The following NRXN1 variants were observed in gnomAD, a reference collection of about 807,000 sequenced individuals.
NRXN1 encodes neurexin-1.
Under a neutral mutation model 150.9 loss-of-function variants are expected in NRXN1, and 39 were observed. That is an observed-to-expected ratio of 0.26 (90% CI 0.20 to 0.34). The LOEUF is 0.34. Ranked by LOEUF, NRXN1 falls within the 10% of genes least tolerant of loss-of-function variation. The pLI is 1.00. For missense variants in NRXN1, 1,815 were observed against 1,949.9 expected (o/e 0.93, Z 1.30); for synonymous variants, 924 against 757.0 (o/e 1.22, Z -3.62).
chr2:50,673,304 A>AT lies in NRXN1; in HGVS notation c.833-49690dup, dbSNP rs1689112052. 2.0e-5 allele frequency among the ~76,000 whole-genome samples: 3 copies of AT among 152,226 alleles called. No homozygotes were observed. In the South Asian group the frequency reaches 6.2e-4, roughly 32 times the overall value. On this transcript the variant is annotated intron_variant, in intron 5 of 22. Transcript: ENST00000401669. ...TAAAAAGACATGTTTAGATCTAATT[A>AT]TTTTTTCTACCAATACTAGCAAAAA...
intron 2 of NRXN1, among the ~76,000 whole-genome samples, chr2:50,953,614 T>C (rs1224398042): frequency 2.0e-5 from 3 of 151,328 alleles, no homozygotes; most frequent in African/African-American, 7.3e-5. Context: ...TGGAGTGCCA[T>C]CGCATGATCT....
rs571622172 is a variant in NRXN1, at chr2:50,315,250, G to A, written c.3365-78280C>T. On this transcript the variant is annotated intron_variant, in intron 17 of 22. Coordinates refer to ENST00000401669, the MANE Select transcript of NRXN1 (RefSeq NM_001330078.2). ...CTAAAACTGCACAGGCAGCAGCTCC[G>A]TTTTTCTCAGAATCAAGCGAAACTG... Among the ~76,000 whole-genome samples the A allele has an allele frequency of 1.3e-4, 20 of 152,024 alleles. No homozygotes were observed. In the South Asian group the frequency reaches 3.7e-3, roughly 28 times the overall value.
intron 16 of NRXN1, among the ~76,000 whole-genome samples, chr2:50,466,945 T>C (rs764805204): frequency 3.3e-5 from 5 of 151,864 alleles, no homozygotes; most frequent in Non-Finnish European, 7.4e-5. Context: ...CTGTTGCAAT[T>C]AAGGCTTCAA....
At chr2:51,031,891 G>T (rs957695488) in intron 1 of NRXN1, 90 bp downstream of exon 1, 1 of 152,070 alleles carries the variant, frequency 6.6e-6, no homozygotes, top group African/African-American at 2.4e-5. Flanking sequence ...ATTTGTGGCA[G>T]ATCCTGGCTC....
chr2:50,348,073 G>C (rs1042486424), intron 17 of NRXN1, among the ~76,000 whole-genome samples: 8 of 152,196 alleles, frequency 5.3e-5, no homozygotes, highest in African/African-American at 1.9e-4. Context: ...AGTGTCTTTA[G>C]AGATCTTAAA....
chr2:50,557,212 A>G (rs779091888), intron 8 of NRXN1, among the ~76,000 whole-genome samples: 1 of 152,174 alleles, frequency 6.6e-6, no homozygotes, highest in African/African-American at 2.4e-5. Flanking sequence ...CAGTGTGAAA[A>G]TATTTGCCAC....
intron 22 of NRXN1, among the ~76,000 whole-genome samples, chr2:49,923,364 C>A (rs921972437): frequency 6.6e-6 from 1 of 152,112 alleles, no homozygotes; most frequent in African/African-American, 2.4e-5. Context: ...TCTATCCTCT[C>A]GCTTGTCTTA....
At chr2:50,306,493 T>TA (rs1469357168) in intron 17 of NRXN1, among the ~76,000 whole-genome samples, 2 of 152,178 alleles carry the variant, frequency 1.3e-5, no homozygotes. Context: ...ATTTTATAGA[T>TA]AAAAGATTAT....
At chr2:50,881,939 G>A (rs979682552) in intron 5 of NRXN1, among the ~76,000 whole-genome samples, 17 of 151,276 alleles carry the variant, frequency 1.1e-4, no homozygotes, top group African/African-American at 3.9e-4. Flanking sequence ...TTCTATAAAC[G>A]CAAAAATAGC....
At chr2:50,671,333 A>G (rs1688814610) in intron 5 of NRXN1, among the ~76,000 whole-genome samples, 1 of 151,584 alleles carries the variant, frequency 6.6e-6, no homozygotes, top group Admixed American at 6.6e-5. Context: ...CTGTTTGGCT[A>G]TTTTCACAGA....
chr2:50,260,272 GA>G (rs1383965264), intron 17 of NRXN1, among the ~76,000 whole-genome samples: 1 of 151,758 alleles, frequency 6.6e-6, no homozygotes, highest in African/African-American at 2.4e-5. Context: ...TCTGCCTATT[GA>G]AAATTTTCAT....
chr2:50,127,966 A>C (rs1183868179), intron 18 of NRXN1, among the ~76,000 whole-genome samples: 3 of 152,154 alleles, frequency 2.0e-5, no homozygotes, highest in Non-Finnish European at 4.4e-5. Flanking sequence ...ACTTTCCTTG[A>C]TTTTACTCCC....
chr2:50,651,472 A>G (rs1024124513), intron 5 of NRXN1, among the ~76,000 whole-genome samples: 40 of 149,616 alleles, frequency 2.7e-4, no homozygotes, highest in South Asian at 1.1e-3. Context: ...AACATAACGT[A>G]ACATGACATG....
chr2:50,508,805 C>G (rs7598402), intron 12 of NRXN1, among the ~76,000 whole-genome samples: 90,120 of 151,980 alleles, frequency 0.59, 29,072 homozygotes, highest in African/African-American at 0.86. Context: ...AATCTCTGTG[C>G]GCCAACTTCT....
intron 2 of NRXN1, among the ~76,000 whole-genome samples, chr2:51,014,471 C>A (rs558026227): frequency 4.6e-5 from 7 of 151,934 alleles, no homozygotes; most frequent in Non-Finnish European, 1.0e-4. Flanking sequence ...GAGAAATTTT[C>A]TGCTCAGGAA....
intron 18 of NRXN1, among the ~76,000 whole-genome samples, chr2:50,157,624 C>T (rs1284299485): frequency 6.6e-6 from 1 of 151,628 alleles, no homozygotes; most frequent in Non-Finnish European, 1.5e-5. Flanking sequence ...CAGATTTGGC[C>T]ATAGGGAAGG....
chr2:51,026,427 T>C (rs1337294859), intron 2 of NRXN1: 3 of 1,605,428 alleles, frequency 1.9e-6, no homozygotes, highest in African/African-American at 2.7e-5. Context: ...GTCATTGTCA[T>C]GTAACAGCAC....
intron 5 of NRXN1, among the ~76,000 whole-genome samples, chr2:50,812,936 T>C (rs1325743439): frequency 6.6e-6 from 1 of 152,048 alleles, no homozygotes; most frequent in Non-Finnish European, 1.5e-5. Context: ...CAATAACATA[T>C]AGTGGTTTTG....
intron 21 of NRXN1, among the ~76,000 whole-genome samples, chr2:49,995,576 T>G (rs1386060856): frequency 3.3e-5 from 5 of 151,204 alleles, no homozygotes; most frequent in Non-Finnish European, 7.4e-5. Flanking sequence ...GGTCAGGAGA[T>G]CGACACCATC....
Sources: gnomAD v4.1 joint callset for allele counts (sites outside exome capture counted in the v4.1 genomes callset) on GRCh38, gnomAD v4.1.1 for gene constraint, MANE v1.5 for transcripts, NCBI Gene and HGNC (gene_info 2026-07-23, HGNC 2026-07-21) for gene names.